B3GALT1: variants seen among roughly 807,000 people sequenced by gnomAD.
The protein encoded by B3GALT1 is beta-1,3-galactosyltransferase 1, also known as UDP-Gal:betaGlcNAc beta 1,3-galactosyltransferase, polypeptide 1.
B3GALT1 carries 10 observed loss-of-function variants against 23.2 expected under a neutral mutation model. That is an observed-to-expected ratio of 0.43 (90% confidence interval 0.27 to 0.73). The LOEUF (loss-of-function observed/expected upper bound fraction) is 0.73, where lower values mean the gene tolerates loss of function less well. B3GALT1 is among the 30% of genes least tolerant of loss of function. The pLI is 0.21. For missense variants in B3GALT1, 299 were observed against 405.4 expected, an observed-to-expected ratio of 0.74 and a Z score of 2.25; for synonymous variants, 156 against 141.5, an observed-to-expected ratio of 1.10 and a Z score of -0.73.
At chr2:167,401,745 G>A (rs554644144) in intron 1 of B3GALT1, among the ~76,000 whole-genome samples, 61 of 152,188 alleles carry the variant, frequency 4.0e-4, no homozygotes, top group African/African-American at 1.3e-3. Flanking sequence ...AATCCTCTTT[G>A]GCCAGCATCA....
chr2:167,447,028 A>G (rs945316212), intron 1 of B3GALT1, among the ~76,000 whole-genome samples: 1 of 152,208 alleles, frequency 6.6e-6, no homozygotes, highest in African/African-American at 2.4e-5. Flanking sequence ...GGTGAGGTAC[A>G]GATGGGATTG....
intron 3 of B3GALT1, among the ~76,000 whole-genome samples, chr2:167,742,527 A>T (rs1253010823): frequency 1.3e-5 from 2 of 152,190 alleles, no homozygotes; most frequent in Non-Finnish European, 2.9e-5. Context: ...CAAGTCCAAA[A>T]TATGGGTGTG....
intron 2 of B3GALT1, among the ~76,000 whole-genome samples, chr2:167,597,781 A>G (rs1053037915): frequency 1.3e-5 from 2 of 152,208 alleles, no homozygotes; most frequent in Non-Finnish European, 2.9e-5. Context: ...GATTTCTGCT[A>G]CTGGGGAAAA....
chr2:167,500,145 C>T (rs1699831969), intron 2 of B3GALT1, among the ~76,000 whole-genome samples: 1 of 152,094 alleles, frequency 6.6e-6, no homozygotes, highest in Admixed American at 6.6e-5. Context: ...ATTTCCTAGT[C>T]CCTGGTAAAA....
intron 3 of B3GALT1, among the ~76,000 whole-genome samples, chr2:167,725,768 C>A (rs1687302433): frequency 1.3e-5 from 2 of 152,100 alleles, no homozygotes; most frequent in Non-Finnish European, 2.9e-5. Context: ...CCATGAACCC[C>A]AAACTCCAGC....
chr2:167,298,519 C>T lies in B3GALT1; in HGVS notation c.-511+5185C>T, dbSNP rs550625377. Among the ~76,000 whole-genome samples the T allele has an allele frequency of 4.6e-5, 7 of 152,022 alleles. No individual in the cohort carries two copies. The South Asian group carries it at 6.2e-4, about 14-fold the overall frequency. On this transcript the variant is annotated intron_variant, in intron 1 of 4. Coordinates refer to ENST00000392690, the MANE Select transcript of B3GALT1 (RefSeq NM_020981.4). Reference sequence around the variant, plus strand: ...GTCATCTAAGATTTATAAGGCTGGACGTAACTTTGCAAGTAAAATATTTGT... The same window carrying T: ...GTCATCTAAGATTTATAAGGCTGGATGTAACTTTGCAAGTAAAATATTTGT...
At chr2:167,622,864 C>T (rs1406665) in intron 2 of B3GALT1, among the ~76,000 whole-genome samples, 118,732 of 151,982 alleles carry the variant, frequency 0.78, 46,505 homozygotes, top group Admixed American at 0.83. Context: ...TGATACAAAA[C>T]GAAGTAATGC....
intron 1 of B3GALT1, among the ~76,000 whole-genome samples, chr2:167,474,687 G>A (rs759235239): frequency 1.5e-4 from 23 of 152,114 alleles, no homozygotes; most frequent in Non-Finnish European, 2.4e-4. Context: ...CACCAAAGGT[G>A]CATCGCAAGG....
intron 1 of B3GALT1, among the ~76,000 whole-genome samples, chr2:167,422,202 CTCTG>C (rs1007578141): frequency 1.3e-5 from 2 of 152,040 alleles, no homozygotes; most frequent in Admixed American, 1.3e-4. Flanking sequence ...CATTCTCTCT[CTCTG>C]TCTCTCTCTC....
chr2:167,465,475 C>A (rs528053889), intron 1 of B3GALT1, among the ~76,000 whole-genome samples: 2 of 152,262 alleles, frequency 1.3e-5, no homozygotes, highest in African/African-American at 4.8e-5. Context: ...CTTTCTGCTT[C>A]AAAGATGGTG....
chr2:167,794,707 A>C (rs1222618190), intron 3 of B3GALT1, among the ~76,000 whole-genome samples: 1 of 152,210 alleles, frequency 6.6e-6, no homozygotes, highest in Non-Finnish European at 1.5e-5. Flanking sequence ...TTGTTGAGCA[A>C]ATCCTTTTTA....
Position 167,713,936 on chromosome 2 carries a change from A to G in B3GALT1, c.-352+66970A>G, listed in dbSNP as rs62194986. 6.3e-3 allele frequency: 9,875 copies of G among 1,570,318 alleles called. 101 individuals carry two copies. The highest frequency in any genetic ancestry group is 0.017 in the South Asian group (1,525 of 90,228). ...GAAAGGAGGTCCTCTTCTCGTGAAC[A>G]GGCCCCTTGTATCCACTGGAAACAA... On this transcript the variant is annotated intron_variant, in intron 3 of 4. Coordinates refer to ENST00000392690, the MANE Select transcript of B3GALT1 (RefSeq NM_020981.4).
At chr2:167,358,807 GTTT>G (rs1697457300) in intron 1 of B3GALT1, among the ~76,000 whole-genome samples, 1 of 151,996 alleles carries the variant, frequency 6.6e-6, no homozygotes, top group African/African-American at 2.4e-5. Flanking sequence ...TAAGGCAAAA[GTTT>G]TTTATTTTTT....
At chr2:167,298,609 ACT>A (rs1294064805) in intron 1 of B3GALT1, among the ~76,000 whole-genome samples, 2 of 152,130 alleles carry the variant, frequency 1.3e-5, no homozygotes, top group Admixed American at 6.5e-5. Flanking sequence ...ATATTTATAG[ACT>A]CTATAGAATT....
intron 1 of B3GALT1, among the ~76,000 whole-genome samples, chr2:167,392,983 C>A (rs1319510782): frequency 6.6e-6 from 1 of 152,150 alleles, no homozygotes; most frequent in Middle Eastern, 3.4e-3. Context: ...ACCTGTAATC[C>A]CAGCACTTTG....
At chr2:167,605,960 C>T (rs1684955693) in intron 2 of B3GALT1, among the ~76,000 whole-genome samples, 1 of 152,082 alleles carries the variant, frequency 6.6e-6, no homozygotes, top group South Asian at 2.1e-4. Context: ...TGGTAACAGG[C>T]TGTGTGCATG....
intron 1 of B3GALT1, among the ~76,000 whole-genome samples, chr2:167,398,838 C>G (rs762855488): frequency 6.6e-6 from 1 of 152,094 alleles, no homozygotes; most frequent in African/African-American, 2.4e-5. Flanking sequence ...TAGTTCTCAT[C>G]CACCACAACC....
intron 1 of B3GALT1, among the ~76,000 whole-genome samples, chr2:167,300,774 G>C (rs1261688678): frequency 1.3e-5 from 2 of 152,076 alleles, no homozygotes; most frequent in East Asian, 3.9e-4. Flanking sequence ...TGAAGGGAGG[G>C]TAAACATAAA....
chr2:167,804,014 G>A (rs1688694461), intron 3 of B3GALT1, among the ~76,000 whole-genome samples: 3 of 152,114 alleles, frequency 2.0e-5, no homozygotes, highest in African/African-American at 7.2e-5. Flanking sequence ...AATGTCTTTT[G>A]AGATGGAGTC....
Sources: allele counts gnomAD v4.1 joint callset (sites outside exome capture counted in the v4.1 genomes callset), GRCh38; gene constraint gnomAD v4.1.1; transcripts MANE v1.5; gene names NCBI Gene and HGNC (gene_info 2026-07-23, HGNC 2026-07-21).